Variants in CSMD1 observed in about 807,000 individuals in gnomAD.
The protein encoded by CSMD1 is CUB and sushi domain-containing protein 1.
CSMD1 carries 213 observed loss-of-function variants against 417.5 expected under a neutral mutation model. The ratio of observed to expected loss-of-function variants is 0.51; its 90% CI spans 0.46 to 0.57. CSMD1 has a LOEUF of 0.57. Among genes scored for constraint, CSMD1 ranks in the 20% least tolerant of loss-of-function variants. The pLI is 0.00. For synonymous variants in CSMD1, 2,862 were observed against 1,736.8 expected (o/e 1.65, Z -16.11); for missense variants, 6,923 against 4,529.7 (o/e 1.53, Z -15.17).
chr8:3,641,639 T>G (rs909288252), intron 7 of CSMD1, among the ~76,000 whole-genome samples: 2 of 152,090 alleles, frequency 1.3e-5, no homozygotes, highest in African/African-American at 4.8e-5. Flanking sequence ...AATACCAGCA[T>G]TTATAGTCAC....
chr8:3,305,175 A>T lies in CSMD1; in HGVS notation c.3950+2520T>A, dbSNP rs186318008. Reference sequence around the variant, plus strand: ...GCTGGGATGACAGGTGTGAGCCGCTATGCCTGGCCTATTTATTTCCATAGA... The same window carrying T: ...GCTGGGATGACAGGTGTGAGCCGCTTTGCCTGGCCTATTTATTTCCATAGA... On this transcript the variant is annotated intron_variant, in intron 25 of 69. Coordinates refer to ENST00000635120, the MANE Select transcript of CSMD1 (RefSeq NM_033225.6). Among the ~76,000 whole-genome samples the T allele has an allele frequency of 3.9e-5, 6 of 152,268 alleles. No individual in the cohort carries two copies. In the East Asian group the frequency reaches 1.2e-3, roughly 29 times the overall value.
chr8:3,943,237 T>C (rs895799553), intron 5 of CSMD1, among the ~76,000 whole-genome samples: 1 of 152,008 alleles, frequency 6.6e-6, no homozygotes, highest in African/African-American at 2.4e-5. Flanking sequence ...CTTTGTACAA[T>C]CAACATTTTA....
Position 4,635,934 on chromosome 8 carries a change from T to C in CSMD1, c.302+1408A>G, listed in dbSNP as rs186502128. ...TGCTACTAAAAACAGATAATAGATA[T>C]TGTAGATGACTCAGAAAAAAAACTA... On this transcript the variant is annotated intron_variant, in intron 2 of 69. Coordinates refer to ENST00000635120, the MANE Select transcript of CSMD1 (RefSeq NM_033225.6). Among the ~76,000 whole-genome samples, 678 of 152,142 alleles carry C rather than the reference T, an allele frequency of 4.5e-3. 2 individuals carry two copies. The highest frequency in any genetic ancestry group is 0.016 in the African/African-American group (652 of 41,540).
intron 10 of CSMD1, among the ~76,000 whole-genome samples, chr8:3,524,530 C>T (rs560469025): frequency 1.9e-4 from 28 of 150,736 alleles, no homozygotes; most frequent in African/African-American, 3.9e-4. Flanking sequence ...CAAAGACATA[C>T]GCACACACAA....
rs569747006 is a variant in CSMD1 at position 4,752,119 on chromosome 8, A to C, written c.86-114561T>G. On this transcript the variant is annotated intron_variant, in intron 1 of 69. Transcript: ENST00000635120. The stretch of plus-strand genomic sequence containing the variant: ...TACATGTATCACATATATATATCAC[A>C]TGTATATATCATATATATGTATCTC... Among the ~76,000 whole-genome samples the C allele has an allele frequency of 7.9e-5, 12 of 152,252 alleles. No homozygotes were observed. The East Asian group carries it at 1.9e-3, about 24-fold the overall frequency.
At chr8:3,877,590 G>C (rs756744064) in intron 5 of CSMD1, among the ~76,000 whole-genome samples, 1 of 152,150 alleles carries the variant, frequency 6.6e-6, no homozygotes, top group Non-Finnish European at 1.5e-5. Context: ...TACACTGTTA[G>C]ATCTAACAAC....
chr8:3,700,592 C>A (rs988482615), intron 7 of CSMD1: 7 of 152,120 alleles, frequency 4.6e-5, no homozygotes, highest in African/African-American at 1.7e-4. Context: ...GCTCAAGATA[C>A]ATGATATTTA....
chr8:3,588,997 A>G (rs945925274), intron 8 of CSMD1, among the ~76,000 whole-genome samples: 2 of 152,162 alleles, frequency 1.3e-5, no homozygotes, highest in East Asian at 3.9e-4. Flanking sequence ...GTCACTAATC[A>G]TCAGGGAAAT....
At chr8:4,066,618 A>T (rs1174807426) in intron 3 of CSMD1, among the ~76,000 whole-genome samples, 1 of 152,222 alleles carries the variant, frequency 6.6e-6, no homozygotes, top group Non-Finnish European at 1.5e-5. Flanking sequence ...AATGTACCAC[A>T]TTACTAACCA....
At position 3,399,393 on chromosome 8, in the gene CSMD1, G is replaced by C. The variant is rs1288817309; in HGVS notation, c.2403C>G (p.Asp801Glu). 2 of 1,597,316 alleles carry C rather than the reference G, an allele frequency of 1.3e-6. No homozygotes were observed. Among genetic ancestry groups the C allele is most frequent in the Non-Finnish European group, 1.7e-6 (2 of 1,172,896 alleles). The change falls in exon 16 of 70, where the codon GAC becomes GAG. Residue 801 changes from aspartate to glutamate, a missense_variant and splice_region_variant. Physicochemically the swap from Asp to Glu is conservative, Grantham distance 45. Transcript: ENST00000635120. ...ATGAAGACTAATTTTTTTCTTACCT[G>C]TCAAAAGTTATTTTGATAGAGTGGC... ...KPGHSIKITF[D>E]RFQTEVNYDT...
chr8:4,543,698 A>C (rs867968086), intron 2 of CSMD1, among the ~76,000 whole-genome samples: 50 of 135,164 alleles, frequency 3.7e-4, no homozygotes, highest in African/African-American at 1.4e-3. Flanking sequence ...AAAAAAAAAA[A>C]AACCCACACC....
chr8:4,389,800 A>T (rs1403231134), intron 3 of CSMD1, among the ~76,000 whole-genome samples: 2 of 152,154 alleles, frequency 1.3e-5, no homozygotes, highest in East Asian at 3.9e-4. Flanking sequence ...GTAAAGCCTT[A>T]CAACTACTTT....
At chr8:4,092,332 T>C (rs1213684869) in intron 3 of CSMD1, among the ~76,000 whole-genome samples, 3 of 152,214 alleles carry the variant, frequency 2.0e-5, no homozygotes, top group Non-Finnish European at 4.4e-5. Flanking sequence ...CTGTGTCTGA[T>C]GCTCCAGGAG....
chr8:4,761,783 C>T (rs903186954), intron 1 of CSMD1, among the ~76,000 whole-genome samples: 4 of 151,956 alleles, frequency 2.6e-5, no homozygotes, highest in African/African-American at 9.7e-5. Flanking sequence ...ATCTTTTTGT[C>T]TTAATATTGT....
chr8:4,708,832 C>T (rs1808109251), intron 1 of CSMD1, among the ~76,000 whole-genome samples: 1 of 152,086 alleles, frequency 6.6e-6, no homozygotes, highest in Admixed American at 6.5e-5. Context: ...AGGGTGGTCC[C>T]TAATCCGACA....
intron 49 of CSMD1, among the ~76,000 whole-genome samples, chr8:3,062,710 A>G (rs1054497241): frequency 6.6e-6 from 1 of 152,156 alleles, no homozygotes; most frequent in Admixed American, 6.6e-5. Context: ...GAAACAGACA[A>G]AAAAGCTATG....
chr8:4,438,907 G>A (rs368802647), intron 2 of CSMD1, among the ~76,000 whole-genome samples: 1 of 152,174 alleles, frequency 6.6e-6, no homozygotes, highest in Non-Finnish European at 1.5e-5. Context: ...CGGAGTTTAA[G>A]TATGCATAAG....
Position 4,085,302 on chromosome 8 carries a change from G to A in CSMD1, c.416-53203C>T, listed in dbSNP as rs138894040. Among the ~76,000 whole-genome samples the A allele has an allele frequency of 5.5e-3, 834 of 152,192 alleles. 4 individuals carry two copies. The highest frequency in any genetic ancestry group is 7.9e-3 in the Non-Finnish European group (535 of 68,004). Reference sequence around the variant, plus strand: ...AATAAGAACATCCTTATCTAGTTAGGAAGTTTAATGAAGCTTCTTGGAGTA... The same window carrying A: ...AATAAGAACATCCTTATCTAGTTAGAAAGTTTAATGAAGCTTCTTGGAGTA... On this transcript the variant is annotated intron_variant, in intron 3 of 69. Coordinates refer to ENST00000635120, the MANE Select transcript of CSMD1 (RefSeq NM_033225.6).
At chr8:3,869,762 G>A (rs866840937) in intron 5 of CSMD1, among the ~76,000 whole-genome samples, 7 of 152,168 alleles carry the variant, frequency 4.6e-5, no homozygotes, top group Middle Eastern at 3.4e-3. Context: ...GGCAACACGG[G>A]GCCAGGGGTT....
Sources: gnomAD v4.1 joint callset for allele counts (sites outside exome capture counted in the v4.1 genomes callset) on GRCh38, gnomAD v4.1.1 for gene constraint, MANE v1.5 for transcripts, NCBI Gene and HGNC (gene_info 2026-07-23, HGNC 2026-07-21) for gene names.